Variants in CASKIN2 observed in about 807,000 individuals in gnomAD.
CASKIN2 encodes CASK interacting protein 2.
A neutral mutation model predicts 107.1 loss-of-function variants in CASKIN2; 41 were observed. The ratio of observed to expected loss-of-function variants is 0.38; its 90% CI spans 0.30 to 0.50. CASKIN2 has a LOEUF of 0.50. Among genes scored for constraint, CASKIN2 ranks in the 20% least tolerant of loss-of-function variants. CASKIN2 has a pLI of 0.92. For synonymous variants in CASKIN2, 724 were observed against 705.6 expected, an observed-to-expected ratio of 1.03 and a Z score of -0.41; for missense variants, 1,546 against 1,657.4, an observed-to-expected ratio of 0.93 and a Z score of 1.17.
chr17:75,512,150 T>C (rs1474687094), intron 2 of CASKIN2, among the ~76,000 whole-genome samples: 1 of 152,184 alleles, frequency 6.6e-6, no homozygotes, highest in East Asian at 1.9e-4. Flanking sequence ...CTGGCACCCA[T>C]ACCCCAGGTG....
In CASKIN2 at chr17:75,503,678, C is replaced by T. The variant is rs780288691; in HGVS notation, c.1661G>A (p.Trp554Ter). Reference protein sequence around the residue: ...SEIAQLSIAEWLPSYIPTDLL... With the variant: ...SEIAQLSIAE ...GCTCACTGGGATGTAGCTGGGCAGC[C>T]ACTCGGCGATGCTGAGCTGAGCGAT... The change falls in exon 16 of 20, where the codon TGG (tryptophan) becomes TAG (stop). Residue 554 changes from tryptophan (W) to a stop codon, truncating the protein, a stop_gained. Coordinates refer to ENST00000321617, the MANE Select transcript of CASKIN2 (RefSeq NM_020753.5). LOFTEE classifies it high-confidence loss of function. The T allele has an allele frequency of 1.2e-6, 2 of 1,612,190 alleles. No individual in the cohort carries two copies. The highest frequency in any genetic ancestry group is 1.7e-5 in the Admixed American group (1 of 60,024).
chr17:75,503,796 C>G, intron 15 of CASKIN2, 36 bp from the exon 16 acceptor site: 1 of 1,610,524 alleles, frequency 6.2e-7, no homozygotes, highest in Non-Finnish European at 8.5e-7. Flanking sequence ...GCCCCTCCCC[C>G]GCCTGCTGGG....
Position 75,506,636 on chromosome 17 carries a change from G to A in CASKIN2, c.564C>T (p.Asn188=), listed in dbSNP as rs778552405. The change falls in exon 7 of 20, where the codon AAC becomes AAT. Residue 188 remains asparagine (N), a synonymous_variant. Coordinates refer to ENST00000321617, the MANE Select transcript of CASKIN2 (RefSeq NM_020753.5). This position sits in a 1 kb window ranked among gnomAD's most constrained non-coding sequence, Gnocchi z 4.8. The stretch of plus-strand genomic sequence containing the variant: ...CAGCCAAGTGCAGGGGCGTGGTGTA[G>A]TTGGGGTCACACGGGTCTTTGGCCT... ...EGEAKDPCDP[N]YTTPLHLAAK... 2 of 1,613,400 alleles carry A rather than the reference G, an allele frequency of 1.2e-6. No homozygotes were observed. The highest frequency in any genetic ancestry group is 1.7e-5 in the Admixed American group (1 of 60,006).
chr17:75,509,048 G>A (rs1262927939), intron 2 of CASKIN2, among the ~76,000 whole-genome samples: 1 of 152,326 alleles, frequency 6.6e-6, no homozygotes. Context: ...CAGACTGCCC[G>A]GGGAGTCACT....
In CASKIN2 at chr17:75,503,769, CAA is replaced by C. The variant is rs1324523659; in HGVS notation, c.1579-11_1579-10del. ...CCGATGGCCGTCAGGTCCTGCCACACAAAGTCTGGCCATCAGGCCCCTCCCCC... is the reference window on the plus strand; with the variant it reads ...CCGATGGCCGTCAGGTCCTGCCACACAGTCTGGCCATCAGGCCCCTCCCCC... On this transcript the variant is annotated splice_polypyrimidine_tract_variant and intron_variant, in intron 15 of 19. Coordinates refer to ENST00000321617, the MANE Select transcript of CASKIN2 (RefSeq NM_020753.5). The C allele has an allele frequency of 3.1e-6, 5 of 1,612,328 alleles. No individual in the cohort carries two copies. Among genetic ancestry groups the C allele is most frequent in the South Asian group, 1.1e-5 (1 of 91,082 alleles).
At chr17:75,512,560 G>C (rs981665754) in intron 2 of CASKIN2, among the ~76,000 whole-genome samples, 1 of 152,168 alleles carries the variant, frequency 6.6e-6, no homozygotes, top group African/African-American at 2.4e-5. Flanking sequence ...AGAAACTTTA[G>C]CAACTTGTTA....
At position 75,502,975 on chromosome 17, in the gene CASKIN2, C is replaced by T. The variant is rs777703877; in HGVS notation, c.2099G>A (p.Ser700Asn). The change falls in exon 18 of 20, where the codon AGC becomes AAC. Residue 700 changes from serine (S) to asparagine (N), a missense_variant. Coordinates refer to ENST00000321617, the MANE Select transcript of CASKIN2 (RefSeq NM_020753.5). This position sits in a 1 kb window ranked among gnomAD's most constrained non-coding sequence, Gnocchi z 4.3. The part of the protein sequence containing the change: ...LPPARSPSQE[S>N]IGARSRGSGH... ...AGACCCCCGTGAGCGTGCCCCGATGCTCTCCTGGCTGGGAGAGCGGGCAGG... is the reference window on the plus strand; with the variant it reads ...AGACCCCCGTGAGCGTGCCCCGATGTTCTCCTGGCTGGGAGAGCGGGCAGG... The T allele has an allele frequency of 2.4e-5, 39 of 1,601,772 alleles. No individual in the cohort carries two copies. Among genetic ancestry groups the T allele is most frequent in the Admixed American group, 6.7e-5 (4 of 59,306 alleles).
intron 4 of CASKIN2, 117 bp downstream of exon 4, chr17:75,507,467 G>GC (rs2053277799): frequency 2.7e-6 from 2 of 747,132 alleles, no homozygotes; most frequent in African/African-American, 3.5e-5. Context: ...GCCCAGAGAC[G>GC]CTGTGCTAGC....
rs761708343 is a variant in CASKIN2 at position 75,503,891 on chromosome 17, G to C, written c.1539C>G (p.Ala513=). The stretch of plus-strand genomic sequence containing the variant: ...GGCTGATGGTAGGCACATCATAGCC[G>C]GCCTGCAGAAAGTGGGCAGTGTAGC... ...LEGYTAHFLQ[A]GYDVPTISRM... is the part of the protein sequence containing the mutation. Residue 513 remains alanine, a synonymous_variant, in exon 15 of 20, where the codon GCC becomes GCG. Transcript: ENST00000321617. 1 of 1,612,622 alleles carries C rather than the reference G, an allele frequency of 6.2e-7. No individual in the cohort carries two copies. The highest frequency in any genetic ancestry group is 8.5e-7 in the Non-Finnish European group (1 of 1,179,918).
rs539600866 is a variant in CASKIN2, at chr17:75,500,937, G to A, written c.*143C>T. 68 of 747,098 alleles carry A rather than the reference G, an allele frequency of 9.1e-5. 1 individual carries two copies. Among genetic ancestry groups the A allele is most frequent in the Admixed American group, 3.2e-4 (14 of 43,082 alleles). 46.3% of individuals were successfully genotyped at this position (747,098 alleles called of 1,614,324 possible). The stretch of plus-strand genomic sequence containing the variant: ...CAAGAGCTGTGGTGCCCACAGCCGC[G>A]GGCTGAGTGGGAAGGGGCCCTGCTA... On this transcript the variant is annotated 3_prime_UTR_variant, in exon 20 of 20. Transcript: ENST00000321617.
chr17:75,507,720 C>T, intron 3 of CASKIN2, 39 bp from the exon 4 acceptor site: 1 of 1,472,366 alleles, frequency 6.8e-7, no homozygotes. Context: ...TGTTGGTGGG[C>T]AGCCCCCACC....
chr17:75,501,574 T>G lies in CASKIN2; in HGVS notation c.3412A>C (p.Thr1138Pro), dbSNP rs761068092. Residue 1138 changes from threonine (T) to proline (P), a missense_variant, in exon 19 of 20, where the codon ACT (threonine) becomes CCT (proline). This residue lies in a region of CASKIN2 where 1,311 missense variants were observed against 1,311.0 expected (regional missense o/e 1.00). Coordinates refer to ENST00000321617, the MANE Select transcript of CASKIN2 (RefSeq NM_020753.5). ...VPPPRPESTGTVGPGQAQQRL... is the reference protein window; with the variant it reads ...VPPPRPESTGPVGPGQAQQRL... ...TGCTGGGCCTGGCCTGGGCCCACAG[T>G]CCCAGTGCTCTCAGGCCGTGGAGGA... 6.2e-7 allele frequency: 1 copy of G among 1,610,322 alleles called. No homozygotes were observed. The highest frequency in any genetic ancestry group is 8.5e-7 in the Non-Finnish European group (1 of 1,178,200).
rs772682049 is a variant in CASKIN2 at position 75,505,876 on chromosome 17, T to A, written c.780A>T (p.Ile260=). Residue 260 remains isoleucine (I), a synonymous_variant, in exon 9 of 20, where the codon ATA becomes ATT. Coordinates refer to ENST00000321617, the MANE Select transcript of CASKIN2 (RefSeq NM_020753.5). The surrounding 1 kb of genome is among the most constrained non-coding windows in gnomAD (Gnocchi z 5.1). ...RNTYNQTALD[I]VNQFTTSQAS... is the part of the protein sequence containing the mutation. ...CCTGGGAGGTGGTGAACTGATTCAC[T>A]ATGTCCAGCGCCGTCTGGTTATACG... 1.2e-6 allele frequency: 2 copies of A among 1,613,560 alleles called. No individual in the cohort carries two copies. Among genetic ancestry groups the A allele is most frequent in the African/African-American group, 2.7e-5 (2 of 75,010 alleles).
At position 75,501,870 on chromosome 17, in the gene CASKIN2, C is replaced by A. The variant is rs2053194227; in HGVS notation, c.3204G>T (p.Gly1068=). 6.4e-7 allele frequency: 1 copy of A among 1,563,428 alleles called. No individual in the cohort carries two copies. Among genetic ancestry groups the A allele is most frequent in the Non-Finnish European group, 8.7e-7 (1 of 1,156,066 alleles). Residue 1068 remains glycine (G), a synonymous_variant, in exon 18 of 20, where the codon GGG becomes GGT. Coordinates refer to ENST00000321617, the MANE Select transcript of CASKIN2 (RefSeq NM_020753.5). ...TAGCTGCTGAGCTTTCCAGACCTGG[C>A]CCTGGGCAGGGCGGCACTGGAGGCT... ...AMQPPVPPCP[G]PGLESSAASR... is the part of the protein sequence containing the mutation.
In CASKIN2 at chr17:75,505,711, C is replaced by A; in HGVS notation, c.836-60G>T. 3.8e-6 allele frequency: 6 copies of A among 1,560,652 alleles called. No homozygotes were observed. The highest frequency in any genetic ancestry group is 5.3e-6 in the Non-Finnish European group (6 of 1,136,802). ...AGGGTCCTTAGGGCATCTTCCCACCCCTCATGCCCTTGACAACCCTCCCCC... is the reference window on the plus strand; with the variant it reads ...AGGGTCCTTAGGGCATCTTCCCACCACTCATGCCCTTGACAACCCTCCCCC... On this transcript the variant is annotated intron_variant, in intron 9 of 19. Coordinates refer to ENST00000321617, the MANE Select transcript of CASKIN2 (RefSeq NM_020753.5). This position sits in a 1 kb window ranked among gnomAD's most constrained non-coding sequence, Gnocchi z 5.1.
chr17:75,503,454 T>G lies in CASKIN2; in HGVS notation c.1754A>C (p.Asp585Ala). 1 of 1,612,546 alleles carries G rather than the reference T, an allele frequency of 6.2e-7. No homozygotes were observed. Among genetic ancestry groups the G allele is most frequent in the Non-Finnish European group, 8.5e-7 (1 of 1,179,876 alleles). Residue 585 changes from aspartate (D) to alanine (A), a missense_variant, in exon 17 of 20, where the codon GAC becomes GCC. This residue lies in a region of CASKIN2 where 1,311 missense variants were observed against 1,311.0 expected (regional missense o/e 1.00). Coordinates refer to ENST00000321617, the MANE Select transcript of CASKIN2 (RefSeq NM_020753.5). ...GAGGTCGGCCACCAGCCCCATGGAG[T>G]CGTAGCCGCTGCTCACCAGCTGCTT... ...YHKQLVSSGY[D>A]SMGLVADLTW...
intron 1 of CASKIN2, among the ~76,000 whole-genome samples, chr17:75,514,534 C>T (rs1379241274): frequency 2.0e-5 from 3 of 152,160 alleles, no homozygotes; most frequent in Admixed American, 6.5e-5. Flanking sequence ...GCAGCCTGTT[C>T]TCCACAGCCC....
In CASKIN2 at chr17:75,508,357, T is replaced by C. The variant is rs939433431; in HGVS notation, c.95-72A>G. 37 of 1,528,764 alleles carry C rather than the reference T, an allele frequency of 2.4e-5. No individual in the cohort carries two copies. The Admixed American group carries it at 6.7e-4, about 28-fold the overall frequency. The allele number at this position is 1,528,764 out of a possible 1,614,324, so 94.7% of individuals were successfully genotyped here. A position where few individuals can be genotyped will look rare whatever the true frequency, so the allele number is the denominator to read the frequency against. ...CACTCAGCATCCCTCCCCCCACCTG[T>C]CACAGCCCGGCTGACCTCTTGGCGT... On this transcript the variant is annotated intron_variant, in intron 2 of 19. Transcript: ENST00000321617.
At chr17:75,503,618 A>G (rs2053228894) in intron 16 of CASKIN2, 41 bp downstream of exon 16, 1 of 1,607,458 alleles carries the variant, frequency 6.2e-7, no homozygotes, top group South Asian at 1.1e-5. Flanking sequence ...GCTGAGGGTG[A>G]CAGCACGTGC....
Sources: gnomAD v4.1 joint callset for allele counts (sites outside exome capture counted in the v4.1 genomes callset) on GRCh38, gnomAD v4.1.1 for gene constraint, gnomAD v4.1.1 regional missense constraint, Gnocchi (gnomAD v3.1) non-coding constraint, MANE v1.5 for transcripts, NCBI Gene and HGNC (gene_info 2026-07-23, HGNC 2026-07-21) for gene names.